CNKSR2: variants seen among roughly 807,000 people sequenced by gnomAD.
CNKSR2 encodes the protein connector enhancer of kinase suppressor of Ras 2.
Under a neutral mutation model 84.4 loss-of-function variants are expected in CNKSR2, and 14 were observed. The ratio of observed to expected loss-of-function variants is 0.17; its 90% CI spans 0.11 to 0.26. The LOEUF is 0.26. Ranked by LOEUF, CNKSR2 falls within the 10% of genes least tolerant of loss-of-function variation. The pLI is 1.00. For missense variants in CNKSR2, 485 were observed against 771.2 expected (o/e 0.63, Z 4.40); for synonymous variants, 275 against 277.9 (o/e 0.99, Z 0.10).
intron 4 of CNKSR2, among the ~76,000 whole-genome samples, chrX:21,465,293 A>G (rs936082702): frequency 8.9e-6 from 1 of 111,825 alleles, no homozygotes; most frequent in African/African-American, 3.2e-5. Context: ...ATTACATAAT[A>G]GTATCTGGAA....
intron 3 of CNKSR2, among the ~76,000 whole-genome samples, chrX:21,435,478 T>G (rs1325498338): frequency 9.0e-6 from 1 of 111,617 alleles, no homozygotes; most frequent in Non-Finnish European, 1.9e-5. Context: ...TCCTTACATT[T>G]CCTAAATAAG....
intron 1 of CNKSR2, among the ~76,000 whole-genome samples, chrX:21,385,070 A>G (rs1283445664): frequency 9.0e-6 from 1 of 111,518 alleles, no homozygotes; most frequent in African/African-American, 3.3e-5. Context: ...TAGGTACACA[A>G]TGGTTTTCAG....
intron 11 of CNKSR2, among the ~76,000 whole-genome samples, chrX:21,551,305 G>T (rs2092088895): frequency 8.9e-6 from 1 of 111,792 alleles, no homozygotes; most frequent in Admixed American, 9.4e-5. Context: ...CATGGCACGT[G>T]CATACCTATG....
chrX:21,612,344 A>G (rs1413156833), intron 20 of CNKSR2, among the ~76,000 whole-genome samples: 2 of 112,176 alleles, frequency 1.8e-5, no homozygotes, highest in African/African-American at 6.5e-5. Flanking sequence ...CAGAGCGCTT[A>G]CTGTGCTGCC....
At chrX:21,442,950 T>C (rs1432689110) in intron 4 of CNKSR2, among the ~76,000 whole-genome samples, 4 of 110,191 alleles carry the variant, frequency 3.6e-5, no homozygotes, top group Non-Finnish European at 7.6e-5. Context: ...GAGCTAAACA[T>C]TGAGTACACG....
chrX:21,465,659 T>C (rs1386684304), intron 4 of CNKSR2, among the ~76,000 whole-genome samples: 4 of 111,194 alleles, frequency 3.6e-5, no homozygotes, highest in African/African-American at 9.8e-5. Flanking sequence ...CCATGAAATA[T>C]AATAGTATTA....
intron 11 of CNKSR2, among the ~76,000 whole-genome samples, chrX:21,534,175 A>G (rs1311224278): frequency 9.1e-6 from 1 of 110,434 alleles, no homozygotes; most frequent in Non-Finnish European, 1.9e-5. Context: ...CGTGAATGCA[A>G]ACATGCAGTA....
In CNKSR2 at chrX:21,400,368, A is replaced by G. The variant is rs772252415; in HGVS notation, c.64+25407A>G. On this transcript the variant is annotated intron_variant, in intron 1 of 21. Coordinates refer to ENST00000379510, the MANE Select transcript of CNKSR2 (RefSeq NM_014927.5). ...TATACTTGGATGCCCCATTCTGATC[A>G]TTAAAAAAAGTCATACTTCTGAAAT... 1.3e-3 allele frequency among the ~76,000 whole-genome samples: 145 copies of G among 111,261 alleles called. 1 individual carries two copies. Among genetic ancestry groups the G allele is most frequent in the Non-Finnish European group, 2.2e-3 (117 of 52,831 alleles).
chrX:21,417,414 A>G (rs1020886529), intron 1 of CNKSR2, among the ~76,000 whole-genome samples: 1 of 111,802 alleles, frequency 8.9e-6, no homozygotes, highest in African/African-American at 3.2e-5. Context: ...TATTCTATAC[A>G]TGTCTGTTAG....
At chrX:21,578,861 T>G (rs1050190106) in intron 13 of CNKSR2, among the ~76,000 whole-genome samples, 3 of 111,610 alleles carry the variant, frequency 2.7e-5, no homozygotes, top group Non-Finnish European at 3.8e-5. Context: ...GAGCCAGTGG[T>G]TGGGAAGAAA....
intron 10 of CNKSR2, among the ~76,000 whole-genome samples, chrX:21,530,701 G>C (rs899234058): frequency 9.0e-6 from 1 of 110,811 alleles, no homozygotes; most frequent in Non-Finnish European, 1.9e-5. Flanking sequence ...CACAAGGGGG[G>C]AAACATTGCA....
chrX:21,507,030 T>C (rs950417685), intron 8 of CNKSR2, among the ~76,000 whole-genome samples: 3 of 107,526 alleles, frequency 2.8e-5, no homozygotes, highest in Non-Finnish European at 3.8e-5. Flanking sequence ...AGTCTGCCAG[T>C]CACAATTGCC....
intron 20 of CNKSR2, among the ~76,000 whole-genome samples, chrX:21,626,245 A>T (rs1455829074): frequency 4.3e-4 from 25 of 58,425 alleles, no homozygotes; most frequent in South Asian, 1.8e-3. Context: ...TCTAGGTGGT[A>T]AAAAAAAAAA....
Position 21,591,007 on chromosome X carries a change from A to G in CNKSR2, c.1658-15A>G. On this transcript the variant is annotated splice_polypyrimidine_tract_variant and intron_variant, in intron 14 of 21. Transcript: ENST00000379510. ...ATACCTTTGACAAAATTGAAAGAGC[A>G]TTTCCACCCTTTAGGTCCTATAGCA... is the stretch of plus-strand genomic sequence containing the variant. 1 of 1,182,097 alleles carries G rather than the reference A, an allele frequency of 8.5e-7. No homozygotes were observed. Among genetic ancestry groups the G allele is most frequent in the Non-Finnish European group, 1.1e-6 (1 of 880,329 alleles).
chrX:21,539,785 CAA>C (rs2091961384), intron 11 of CNKSR2, among the ~76,000 whole-genome samples: 2 of 111,143 alleles, frequency 1.8e-5, no homozygotes, highest in African/African-American at 6.5e-5. Context: ...TTGTATTCTC[CAA>C]AGTTTTTTTT....
intron 21 of CNKSR2, among the ~76,000 whole-genome samples, chrX:21,651,276 C>A (rs1339377339): frequency 8.9e-6 from 1 of 111,798 alleles, no homozygotes; most frequent in African/African-American, 3.3e-5. Flanking sequence ...AACTACAGAA[C>A]CCTATGGTTT....
intron 11 of CNKSR2, among the ~76,000 whole-genome samples, chrX:21,541,490 T>A (rs1295718279): frequency 5.4e-5 from 6 of 110,436 alleles, no homozygotes; most frequent in African/African-American, 2.0e-4. Context: ...CATCTACAGG[T>A]TCTTGGAAAC....
chrX:21,432,572 ACTGACT>A, intron 2 of CNKSR2, 34 bp from the exon 3 acceptor site: 8 of 947,150 alleles, frequency 8.4e-6, no homozygotes, highest in Non-Finnish European at 1.2e-5. Flanking sequence ...AATGAATAAA[ACTGACT>A]TTAAATATAT....
At chrX:21,440,891 T>C in intron 4 of CNKSR2, 110 bp downstream of exon 4, 1 of 422,822 alleles carries the variant, frequency 2.4e-6, no homozygotes, top group Non-Finnish European at 4.0e-6. Context: ...TAGAAGTTTC[T>C]CAAAGACAAA....
Sources: allele counts gnomAD v4.1 joint callset (sites outside exome capture counted in the v4.1 genomes callset), GRCh38; gene constraint gnomAD v4.1.1; transcripts MANE v1.5; gene names NCBI Gene and HGNC (gene_info 2026-07-23, HGNC 2026-07-21).